Variants in NCALD observed in about 807,000 individuals in gnomAD.
NCALD encodes neurocalcin-delta.
NCALD carries 10 observed loss-of-function variants against 18.6 expected under a neutral mutation model. That is an observed-to-expected ratio of 0.54 (90% CI 0.33 to 0.91). The LOEUF is 0.91. NCALD is among the 40% of genes least tolerant of loss of function. The pLI is 0.03. For synonymous variants in NCALD, 88 were observed against 87.4 expected (o/e 1.01, Z -0.04); for missense variants, 184 against 247.6 (o/e 0.74, Z 1.72).
intron 2 of NCALD, among the ~76,000 whole-genome samples, chr8:102,005,598 T>C (rs1821670546): frequency 6.6e-6 from 1 of 152,128 alleles, no homozygotes; most frequent in Non-Finnish European, 1.5e-5. Context: ...TGCGGCACTA[T>C]TGACAATAGC....
chr8:101,860,443 A>C (rs1815493021), intron 4 of NCALD, among the ~76,000 whole-genome samples: 1 of 152,196 alleles, frequency 6.6e-6, no homozygotes, highest in South Asian at 2.1e-4. Context: ...AGTTCCATAA[A>C]GACAGCTCCA....
intron 2 of NCALD, among the ~76,000 whole-genome samples, chr8:101,715,941 C>T (rs1284773773): frequency 1.3e-5 from 2 of 152,152 alleles, no homozygotes; most frequent in Non-Finnish European, 2.9e-5. Flanking sequence ...CTAGAAGTAC[C>T]ATTTGACCCA....
chr8:101,891,727 T>C (rs1204455134), intron 3 of NCALD, among the ~76,000 whole-genome samples: 2 of 152,220 alleles, frequency 1.3e-5, no homozygotes, highest in Non-Finnish European at 2.9e-5. Flanking sequence ...GGGAGTTCCC[T>C]TTCCAAGTCA....
chr8:101,831,686 C>A (rs1277193874), intron 4 of NCALD, among the ~76,000 whole-genome samples: 1 of 152,136 alleles, frequency 6.6e-6, no homozygotes, highest in African/African-American at 2.4e-5. Context: ...GCTCAGGGCC[C>A]CTTTCCTGTG....
chr8:102,107,606 G>C (rs1046583593), intron 1 of NCALD, among the ~76,000 whole-genome samples: 3 of 152,086 alleles, frequency 2.0e-5, no homozygotes, highest in Non-Finnish European at 2.9e-5. Flanking sequence ...TTCTCATGTG[G>C]GAATAAGCCA....
At chr8:101,991,436 T>G (rs544023449) in intron 2 of NCALD, among the ~76,000 whole-genome samples, 4 of 152,166 alleles carry the variant, frequency 2.6e-5, no homozygotes, top group Non-Finnish European at 5.9e-5. Flanking sequence ...AACCTTAAAA[T>G]GAAAAACTTT....
At chr8:101,923,110 T>G (rs1461573561) in intron 2 of NCALD, among the ~76,000 whole-genome samples, 2 of 152,190 alleles carry the variant, frequency 1.3e-5, no homozygotes, top group African/African-American at 2.4e-5. Flanking sequence ...TGGCCCTTTT[T>G]GTCCTTTTGT....
chr8:102,026,533 C>T (rs1338106156), intron 1 of NCALD, among the ~76,000 whole-genome samples: 2 of 152,222 alleles, frequency 1.3e-5, no homozygotes, highest in Non-Finnish European at 2.9e-5. Context: ...CATGCTGATG[C>T]AAGAGGTGGG....
In NCALD at chr8:101,688,869, G is replaced by T. The variant is rs538256179; in HGVS notation, c.*440C>A. ...CTTGTTCTTGGGGAATCCAGCATCC[G>T]GTGCCATCCATCACCCCTACGGCAC... is the stretch of plus-strand genomic sequence containing the variant. On this transcript the variant is annotated 3_prime_UTR_variant, in exon 4 of 4. Transcript: ENST00000220931. The T allele has an allele frequency of 1.4e-5, 9 of 623,630 alleles. No homozygotes were observed. The Admixed American group carries it at 2.3e-4, about 16-fold the overall frequency. The allele number at this position is 623,630 out of a possible 1,614,324, so 38.6% of individuals were successfully genotyped here.
At chr8:101,913,658 C>T (rs893999761) in intron 3 of NCALD, among the ~76,000 whole-genome samples, 9 of 152,186 alleles carry the variant, frequency 5.9e-5, no homozygotes, top group South Asian at 2.1e-4. Flanking sequence ...TCTCGGCTCA[C>T]CACAACCTCC....
rs529832023 is a variant in NCALD at position 101,939,754 on chromosome 8, G to A, written c.-156-23896C>T. On this transcript the variant is annotated intron_variant, in intron 2 of 6. Transcript: ENST00000311028. ...ACATTGCATTGACAAACCTGGCTAA[G>A]AGAAATGAGCATTGCGGAATGCCTA... Among the ~76,000 whole-genome samples, 11 of 152,118 alleles carry A rather than the reference G, an allele frequency of 7.2e-5. No individual in the cohort carries two copies. In the East Asian group the frequency reaches 1.9e-3, roughly 27 times the overall value.
intron 1 of NCALD, among the ~76,000 whole-genome samples, chr8:102,109,612 G>A (rs1239756394): frequency 6.6e-6 from 1 of 152,080 alleles, no homozygotes; most frequent in Non-Finnish European, 1.5e-5. Context: ...AATATTTGGG[G>A]AAATATTTGT....
At chr8:101,774,324 C>T (rs911931537) in intron 1 of NCALD, among the ~76,000 whole-genome samples, 2 of 152,096 alleles carry the variant, frequency 1.3e-5, no homozygotes, top group Non-Finnish European at 2.9e-5. Flanking sequence ...TTAAAGAAGG[C>T]GGAGACCTAC....
intron 2 of NCALD, among the ~76,000 whole-genome samples, chr8:101,945,608 G>C (rs1048317096): frequency 6.6e-6 from 1 of 152,166 alleles, no homozygotes; most frequent in Non-Finnish European, 1.5e-5. Context: ...GAGATAAGCT[G>C]TTTAGGTAAA....
chr8:102,037,391 T>TAGA (rs78307668), intron 1 of NCALD, among the ~76,000 whole-genome samples: 36,227 of 151,938 alleles, frequency 0.24, 4,657 homozygotes, highest in Non-Finnish European at 0.29. Flanking sequence ...AATTATACTA[T>TAGA]AGAATATTTA....
intron 4 of NCALD, among the ~76,000 whole-genome samples, chr8:101,799,241 TA>T (rs1812750750): frequency 6.6e-6 from 1 of 152,080 alleles, no homozygotes; most frequent in South Asian, 2.1e-4. Flanking sequence ...GTTAAAACCA[TA>T]ATGAGATCAG....
At chr8:101,899,645 A>G (rs1563875911) in intron 3 of NCALD, among the ~76,000 whole-genome samples, 3 of 151,696 alleles carry the variant, frequency 2.0e-5, no homozygotes, top group Non-Finnish European at 3.0e-5. Context: ...TATGATTGTG[A>G]TTTTTTCTTT....
chr8:101,986,761 A>C (rs1256425897), intron 2 of NCALD, among the ~76,000 whole-genome samples: 1 of 152,216 alleles, frequency 6.6e-6, no homozygotes. Flanking sequence ...TAGATTAGTT[A>C]ATAGAACTAA....
intron 2 of NCALD, among the ~76,000 whole-genome samples, chr8:101,935,405 C>A (rs1166694951): frequency 6.6e-6 from 1 of 152,142 alleles, no homozygotes; most frequent in Non-Finnish European, 1.5e-5. Flanking sequence ...TTAAAATATT[C>A]TTTTTATAAA....
Sources: allele counts gnomAD v4.1 joint callset (sites outside exome capture counted in the v4.1 genomes callset), GRCh38; gene constraint gnomAD v4.1.1; transcripts MANE v1.5; gene names NCBI Gene and HGNC (gene_info 2026-07-23, HGNC 2026-07-21).